Variants in TET1 observed in about 807,000 individuals in gnomAD.
The protein encoded by TET1 is tet methylcytosine dioxygenase 1.
A neutral mutation model predicts 148.7 loss-of-function variants in TET1; 13 were observed. That is an observed-to-expected ratio of 0.09 (90% CI 0.06 to 0.14). The LOEUF is 0.14. Among genes scored for constraint, TET1 ranks in the 10% least tolerant of loss-of-function variants. The pLI is 1.00. For missense variants in TET1, 2,182 were observed against 2,553.8 expected (o/e 0.85, Z 3.14); for synonymous variants, 907 against 937.2 (o/e 0.97, Z 0.59).
At chr10:68,631,433 C>CTTTTTTTTTT (rs546257824) in intron 3 of TET1, among the ~76,000 whole-genome samples, 284 of 110,506 alleles carry the variant, frequency 2.6e-3, no homozygotes, top group African/African-American at 5.0e-3. Context: ...TTTCTTTCTT[C>CTTTTTTTTTT]TTTTTTTTTT....
At chr10:68,576,329 C>T (rs1479094429) in intron 2 of TET1, among the ~76,000 whole-genome samples, 1 of 142,476 alleles carries the variant, frequency 7.0e-6, no homozygotes, top group East Asian at 2.1e-4. Context: ...CCAGCAGGGG[C>T]AACAGAGAGA....
chr10:68,680,477 T>C (rs1460950129), intron 8 of TET1, among the ~76,000 whole-genome samples: 1 of 152,232 alleles, frequency 6.6e-6, no homozygotes, highest in Non-Finnish European at 1.5e-5. Flanking sequence ...CCCAAGTAGC[T>C]GGGACTGCAA....
intron 2 of TET1, among the ~76,000 whole-genome samples, chr10:68,586,741 G>A (rs1423339017): frequency 1.3e-5 from 2 of 151,772 alleles, no homozygotes; most frequent in Admixed American, 6.6e-5. Flanking sequence ...TTTCCTATAT[G>A]GTAAACAGTG....
At chr10:68,568,886 T>C (rs1223945614) in intron 1 of TET1, among the ~76,000 whole-genome samples, 2 of 151,924 alleles carry the variant, frequency 1.3e-5, no homozygotes, top group Admixed American at 6.6e-5. Context: ...TGTGGGATCT[T>C]GTAGAAGGGA....
chr10:68,593,915 A>AC (rs2053948314), intron 2 of TET1, among the ~76,000 whole-genome samples: 1 of 44,724 alleles, frequency 2.2e-5, no homozygotes, highest in East Asian at 8.5e-4. Flanking sequence ...CGCCTGAGCT[A>AC]TTTTTTTTTT....
chr10:68,651,997 A>G (rs2054942418), intron 5 of TET1, 61 bp downstream of exon 5: 2 of 1,435,972 alleles, frequency 1.4e-6, no homozygotes, highest in Non-Finnish European at 1.9e-6. Context: ...CAACGGAGAT[A>G]AATCATCTCT....
intron 6 of TET1, among the ~76,000 whole-genome samples, chr10:68,653,966 G>A (rs1453963795): frequency 6.6e-6 from 1 of 151,884 alleles, no homozygotes; most frequent in East Asian, 1.9e-4. Flanking sequence ...AATTAGCTGG[G>A]CATGGTGATG....
intron 8 of TET1, among the ~76,000 whole-genome samples, chr10:68,677,641 C>T (rs896234628): frequency 6.6e-6 from 1 of 152,178 alleles, no homozygotes; most frequent in African/African-American, 2.4e-5. Context: ...AGGCATGTGC[C>T]ACCCTGCCTG....
rs1371756806 is a variant in TET1, at chr10:68,632,723, A to G, written c.1969-11975A>G. On this transcript the variant is annotated intron_variant, in intron 3 of 11. Coordinates refer to ENST00000373644, the MANE Select transcript of TET1 (RefSeq NM_030625.3). ...AGAAAACACAACGGCGGCAGCAGCA[A>G]TTGAACAATCTTGAGCATAGAAAAG... is the stretch of plus-strand genomic sequence containing the variant. 13 of 1,609,128 alleles carry G rather than the reference A, an allele frequency of 8.1e-6. No homozygotes were observed. In the South Asian group the frequency reaches 1.4e-4, roughly 18 times the overall value.
chr10:68,691,000 C>T lies in TET1; in HGVS notation c.5597C>T (p.Ala1866Val), dbSNP rs752525372. The T allele has an allele frequency of 1.2e-6, 2 of 1,614,220 alleles. No homozygotes were observed. Among genetic ancestry groups the T allele is most frequent in the Non-Finnish European group, 1.7e-6 (2 of 1,180,030 alleles). The change falls in exon 12 of 12, where the codon GCA (alanine) becomes GTA (valine). Residue 1866 changes from alanine to valine, a missense_variant. Physicochemically the swap from Ala to Val is moderately conservative, Grantham distance 64. Transcript: ENST00000373644. ...SATPAPLKND[A>V]TASCGFSERS... ...ACACCAGCTCCACTGAAGAATGACG[C>T]AACAGCCTCATGCGGGTTTTCAGAA...
intron 3 of TET1, among the ~76,000 whole-genome samples, chr10:68,633,496 T>A (rs1302898383): frequency 1.3e-5 from 2 of 152,144 alleles, no homozygotes; most frequent in Non-Finnish European, 2.9e-5. Flanking sequence ...TCCCTTCCAC[T>A]TTAGCCTCCT....
At chr10:68,687,889 A>T (rs2133239336) in intron 11 of TET1, among the ~76,000 whole-genome samples, 1 of 152,242 alleles carries the variant, frequency 6.6e-6, no homozygotes, top group East Asian at 1.9e-4. Flanking sequence ...TTTGTTGATT[A>T]TAAAGTCTCG....
At chr10:68,617,607 A>G (rs2054311984) in intron 3 of TET1, among the ~76,000 whole-genome samples, 1 of 151,970 alleles carries the variant, frequency 6.6e-6, no homozygotes, top group African/African-American at 2.4e-5. Context: ...GTGCAATGGC[A>G]TGATCTCGGC....
At chr10:68,595,981 T>TACACAC (rs1159203921) in intron 2 of TET1, among the ~76,000 whole-genome samples, 8 of 40,848 alleles carry the variant, frequency 2.0e-4, no homozygotes, top group Admixed American at 3.3e-4. Flanking sequence ...CACACACATA[T>TACACAC]ATACACACAC....
intron 3 of TET1, among the ~76,000 whole-genome samples, chr10:68,628,337 T>G (rs1428977652): frequency 6.6e-6 from 1 of 152,246 alleles, no homozygotes; most frequent in African/African-American, 2.4e-5. Flanking sequence ...TCTTTTTCTC[T>G]GAGTGAATGA....
At chr10:68,582,373 G>A (rs2053808139) in intron 2 of TET1, among the ~76,000 whole-genome samples, 1 of 152,136 alleles carries the variant, frequency 6.6e-6, no homozygotes, top group Non-Finnish European at 1.5e-5. Context: ...TGGGATTACA[G>A]GCATGAGCCA....
At chr10:68,610,731 C>T (rs1434473947) in intron 3 of TET1, among the ~76,000 whole-genome samples, 1 of 152,064 alleles carries the variant, frequency 6.6e-6, no homozygotes, top group Non-Finnish European at 1.5e-5. Context: ...GATCATGGCT[C>T]ACTGCAGCCT....
chr10:68,579,073 G>C (rs571821694), intron 2 of TET1, among the ~76,000 whole-genome samples: 95 of 152,186 alleles, frequency 6.2e-4, no homozygotes, highest in Non-Finnish European at 1.0e-3. Context: ...ATCAAGTCAC[G>C]TCACACATGT....
At chr10:68,575,554 T>C (rs2053719014) in intron 2 of TET1, among the ~76,000 whole-genome samples, 1 of 150,990 alleles carries the variant, frequency 6.6e-6, no homozygotes, top group South Asian at 2.1e-4. Context: ...AATACAAAAT[T>C]AGCTGGGCAT....
Sources: allele counts gnomAD v4.1 joint callset (sites outside exome capture counted in the v4.1 genomes callset), GRCh38; gene constraint gnomAD v4.1.1; transcripts MANE v1.5; gene names NCBI Gene and HGNC (gene_info 2026-07-23, HGNC 2026-07-21).